DNAH1: variants seen among roughly 807,000 people sequenced by gnomAD.
DNAH1 encodes the protein axonemal beta dynein heavy chain 1.
Under a neutral mutation model 484.3 loss-of-function variants are expected in DNAH1, and 327 were observed. The ratio of observed to expected loss-of-function variants is 0.68; its 90% CI spans 0.62 to 0.74. DNAH1 has a LOEUF of 0.74. Ranked by LOEUF, DNAH1 falls within the 30% of genes least tolerant of loss-of-function variation. DNAH1 has a pLI of 0.00. For missense variants in DNAH1, 5,052 were observed against 5,546.8 expected, an observed-to-expected ratio of 0.91 and a Z score of 2.83; for synonymous variants, 2,192 against 2,191.9, an observed-to-expected ratio of 1.00 and a Z score of 0.00.
At position 52,361,399 on chromosome 3, in the gene DNAH1, G is replaced by A; in HGVS notation, c.4874+47G>A. The A allele has an allele frequency of 6.7e-7, 1 of 1,497,236 alleles. No homozygotes were observed. The highest frequency in any genetic ancestry group is 8.9e-7 in the Non-Finnish European group (1 of 1,117,794). The allele number at this position is 1,497,236 out of a possible 1,614,324, so 92.7% of individuals were successfully genotyped here. On this transcript the variant is annotated intron_variant, in intron 29 of 77. Coordinates refer to ENST00000420323, the MANE Select transcript of DNAH1 (RefSeq NM_015512.5). This position sits in a 1 kb window ranked among gnomAD's most constrained non-coding sequence, Gnocchi z 5.6. ...GCACAGGATGGGGTGGGACAGCCTA[G>A]CTCTCCTTGGGGAGGGCTAGGTGAG...
Position 52,350,066 on chromosome 3 carries a change from A to G in DNAH1, c.2604A>G (p.Arg868=). ...PNSIEELAEL[R]EWMKGIPERL... ...GCATTGAGGAGCTGGCTGAGCTGCG[A>G]GAGTGGATGAAGGGCATCCCGGAGA... Residue 868 remains arginine, a synonymous_variant, in exon 15 of 78, where the codon CGA becomes CGG. Coordinates refer to ENST00000420323, the MANE Select transcript of DNAH1 (RefSeq NM_015512.5). 1 of 1,612,960 alleles carries G rather than the reference A, an allele frequency of 6.2e-7. No homozygotes were observed. The highest frequency in any genetic ancestry group is 1.1e-5 in the South Asian group (1 of 90,898).
rs1272819169 is a variant in DNAH1 at position 52,394,492 on chromosome 3, G to A, written c.10654G>A (p.Gly3552Ser). 17 of 1,613,982 alleles carry A rather than the reference G, an allele frequency of 1.1e-5. No homozygotes were observed. In the South Asian group the frequency reaches 1.9e-4, roughly 18 times the overall value. ...TGAGTGGCGATACCTCCTGTCTGGG[G>A]GCTCCATCTCGATCATGACTGAGAA... ...QSEWRYLLSG[G>S]SISIMTENPA... The change falls in exon 67 of 78, where the codon GGC becomes AGC. Residue 3552 changes from glycine to serine, a missense_variant. Physicochemically the swap from Gly to Ser is moderately conservative, Grantham distance 56. This residue lies in a region of DNAH1 where 2,929 missense variants were observed against 3,409.4 expected (regional missense o/e 0.86). Transcript: ENST00000420323.
chr3:52,330,657 G>A (rs572194639), intron 6 of DNAH1, among the ~76,000 whole-genome samples: 1 of 152,124 alleles, frequency 6.6e-6, no homozygotes, highest in Non-Finnish European at 1.5e-5. Flanking sequence ...CCTGACCAAA[G>A]AGCGGCTCCT....
chr3:52,365,098 G>A, intron 34 of DNAH1, 79 bp downstream of exon 34: 1 of 1,525,990 alleles, frequency 6.6e-7, no homozygotes, highest in South Asian at 1.3e-5. Context: ...ACAGAGACAG[G>A]ACAGTCCAAC....
At position 52,385,338 on chromosome 3, in the gene DNAH1, T is replaced by G; in HGVS notation, c.8516T>G (p.Leu2839Arg). The change falls in exon 54 of 78, where the codon CTG (leucine) becomes CGG (arginine). Residue 2839 changes from leucine to arginine, a missense_variant and splice_region_variant. Around this residue, in one of 4 missense-constraint regions of DNAH1, gnomAD observed 2,929 missense variants for 3,409.4 expected, o/e 0.86. Coordinates refer to ENST00000420323, the MANE Select transcript of DNAH1 (RefSeq NM_015512.5). Reference sequence around the variant, plus strand: ...TCCTGTCTCTGCCCTGACCCCTAGCTGCTGCGCACTTCTGAGGATGTAGCC... The same window carrying G: ...TCCTGTCTCTGCCCTGACCCCTAGCGGCTGCGCACTTCTGAGGATGTAGCC... ...KNRMKSGLDK[L>R]LRTSEDVAKM... The G allele has an allele frequency of 6.4e-7, 1 of 1,552,112 alleles. No individual in the cohort carries two copies. The highest frequency in any genetic ancestry group is 8.7e-7 in the Non-Finnish European group (1 of 1,147,158).
chr3:52,352,083 G>A lies in DNAH1; in HGVS notation c.2851G>A (p.Glu951Lys). Residue 951 changes from glutamate (E) to lysine (K), a missense_variant, in exon 17 of 78, where the codon GAG becomes AAG. Physicochemically the swap from Glu to Lys is moderately conservative, Grantham distance 56 (BLOSUM62 1). This residue lies in a region of DNAH1 where 1,263 missense variants were observed against 1,218.8 expected (regional missense o/e 1.04). Coordinates refer to ENST00000420323, the MANE Select transcript of DNAH1 (RefSeq NM_015512.5). ...IQIMDQNNFQ[E>K]KLEGLQLVVA... ...GATCATGGATCAGAACAACTTCCAA[G>A]AGAAGCTGGAAGGGCTGCAGGTGGG... 1 of 1,582,086 alleles carries A rather than the reference G, an allele frequency of 6.3e-7. No homozygotes were observed. Among genetic ancestry groups the A allele is most frequent in the Middle Eastern group, 1.9e-4 (1 of 5,324 alleles).
chr3:52,335,111 AT>A (rs112704768), intron 8 of DNAH1, among the ~76,000 whole-genome samples: 20 of 86,518 alleles, frequency 2.3e-4, no homozygotes, highest in South Asian at 3.3e-4. Context: ...AAAATGTGTG[AT>A]TTTTTTTTTT....
In DNAH1 at chr3:52,370,509, T is replaced by A. The variant is rs1218376579; in HGVS notation, c.6291T>A (p.Ser2097Arg). The change falls in exon 40 of 78, where the codon AGT becomes AGA. Residue 2097 changes from serine (S) to arginine (R), a missense_variant. Around this residue, in one of 4 missense-constraint regions of DNAH1, gnomAD observed 2,929 missense variants for 3,409.4 expected, o/e 0.86. Transcript: ENST00000420323. ...AGAAAATACCCTCTGAAAAGCTGAG[T>A]CGCATCGTAGAGTTGATCGAGCCCT... The part of the protein sequence containing the change: ...GLKKIPSEKL[S>R]RIVELIEPWF... The A allele has an allele frequency of 6.2e-7, 1 of 1,613,892 alleles. No individual in the cohort carries two copies.
At position 52,363,173 on chromosome 3, in the gene DNAH1, G is replaced by A. The variant is rs201131259; in HGVS notation, c.5244+29G>A. 85 of 1,607,722 alleles carry A rather than the reference G, an allele frequency of 5.3e-5. 1 individual carries two copies. In the East Asian group the frequency reaches 5.8e-4, roughly 11 times the overall value. ...TGGTCCTGCCCTGATGGGTTTCCAG[G>A]GTCTGAAAACTTCTGCCTGCTCCCA... On this transcript the variant is annotated intron_variant, in intron 32 of 77. Coordinates refer to ENST00000420323, the MANE Select transcript of DNAH1 (RefSeq NM_015512.5).
rs1208925171 is a variant in DNAH1 at position 52,356,655 on chromosome 3, C to T, written c.3735C>T (p.Leu1245=). The T allele has an allele frequency of 3.7e-6, 6 of 1,613,838 alleles. No homozygotes were observed. Among genetic ancestry groups the T allele is most frequent in the South Asian group, 1.1e-5 (1 of 91,074 alleles). The change falls in exon 22 of 78, where the codon CTC becomes CTT. Residue 1245 remains leucine, a synonymous_variant. Coordinates refer to ENST00000420323, the MANE Select transcript of DNAH1 (RefSeq NM_015512.5). Reference sequence around the variant, plus strand: ...GGCTGAACTGTCAGCGGTCCTGGCTCTACCTGGAGCCCATCTTTAGCTCTG... The same window carrying T: ...GGCTGAACTGTCAGCGGTCCTGGCTTTACCTGGAGCCCATCTTTAGCTCTG... The part of the protein sequence containing the change: ...EEWLNCQRSW[L]YLEPIFSSED...
chr3:52,311,040 C>T, the DNAH1 span, among the ~76,000 whole-genome samples: 1 of 152,216 alleles, frequency 6.6e-6, no homozygotes. Flanking sequence ...TACACACCCC[C>T]TTGTTTTTCA....
At chr3:52,382,584 C>T in intron 50 of DNAH1, 129 bp downstream of exon 50, 4 of 1,437,426 alleles carry the variant, frequency 2.8e-6, no homozygotes, top group Non-Finnish European at 3.7e-6. Context: ...GAAGAGACCA[C>T]CAGGACCAGG....
intron 8 of DNAH1, among the ~76,000 whole-genome samples, chr3:52,342,291 C>G (rs1363940348): frequency 6.6e-6 from 1 of 152,246 alleles, no homozygotes. Flanking sequence ...ACAGTCTGTG[C>G]AGGCCATGGG....
intron 37 of DNAH1, 131 bp downstream of exon 37, chr3:52,369,049 T>G: frequency 9.4e-7 from 1 of 1,063,426 alleles, no homozygotes; most frequent in Non-Finnish European, 1.3e-6. Context: ...GCTGTCACCC[T>G]GACTCAGCAA....
At chr3:52,344,696 G>A in intron 9 of DNAH1, 49 bp downstream of exon 9, 1 of 1,568,308 alleles carries the variant, frequency 6.4e-7, no homozygotes, top group South Asian at 1.2e-5. Flanking sequence ...CACCTGGCCA[G>A]AGCCCCCTCC....
intron 13 of DNAH1, 35 bp downstream of exon 13, chr3:52,349,116 CTG>C: frequency 3.1e-6 from 5 of 1,612,650 alleles, no homozygotes; most frequent in Non-Finnish European, 4.2e-6. Flanking sequence ...CGGAGGGTGT[CTG>C]TGTGTTTGTG....
chr3:52,381,686 A>C lies in DNAH1; in HGVS notation c.7655A>C (p.Asn2552Thr), dbSNP rs374787052. The change falls in exon 49 of 78, where the codon AAC becomes ACC. Residue 2552 changes from asparagine (N) to threonine (T), a missense_variant. Physicochemically the swap from Asn to Thr is moderately conservative, Grantham distance 65 (BLOSUM62 0). Transcript: ENST00000420323. This position sits in a 1 kb window ranked among gnomAD's most constrained non-coding sequence, Gnocchi z 4.1. ...TACATAGAGGACTACAACCAGATCA[A>C]CACGGCCAAGCTGAAGCTGGTCCTC... ...EEYIEDYNQI[N>T]TAKLKLVLFM... 1 of 1,608,866 alleles carries C rather than the reference A, an allele frequency of 6.2e-7. No individual in the cohort carries two copies. The highest frequency in any genetic ancestry group is 8.5e-7 in the Non-Finnish European group (1 of 1,177,950).
Position 52,347,929 on chromosome 3 carries a change from C to G in DNAH1, c.2061C>G (p.Phe687Leu). ...TTGAGGCATCTCTGCTGAACCTCTTCGACAAGGGCATCCTGGCCACCCATG... is the reference window on the plus strand; with the variant it reads ...TTGAGGCATCTCTGCTGAACCTCTTGGACAAGGGCATCCTGGCCACCCATG... ...EQFEASLLNL[F>L]DKGILATHAV... Residue 687 changes from phenylalanine (F) to leucine (L), a missense_variant, in exon 12 of 78, where the codon TTC (phenylalanine) becomes TTG (leucine). Phe to Leu is a conservative substitution (Grantham distance 22, BLOSUM62 0). Transcript: ENST00000420323. 1 of 1,610,820 alleles carries G rather than the reference C, an allele frequency of 6.2e-7. No individual in the cohort carries two copies.
chr3:52,370,089 C>A (rs1309441666), intron 38 of DNAH1, 21 bp from the exon 39 acceptor site: 2 of 1,613,948 alleles, frequency 1.2e-6, no homozygotes, highest in Non-Finnish European at 1.7e-6. Flanking sequence ...GCCATGAGAA[C>A]TGGGTGCCTA....
Sources: allele counts gnomAD v4.1 joint callset (sites outside exome capture counted in the v4.1 genomes callset), GRCh38; gene constraint gnomAD v4.1.1; regional missense constraint gnomAD v4.1.1; non-coding constraint Gnocchi (gnomAD v3.1); transcripts MANE v1.5; gene names NCBI Gene and HGNC (gene_info 2026-07-23, HGNC 2026-07-21).